Variants in CRAMP1 observed in about 807,000 individuals in gnomAD.
The protein encoded by CRAMP1 is cramped chromatin regulator 1.
A neutral mutation model predicts 115.4 loss-of-function variants in CRAMP1; 50 were observed. The observed-to-expected ratio is 0.43, with a 90% CI of 0.35 to 0.55. The LOEUF is 0.55. CRAMP1 is among the 20% of genes least tolerant of loss of function. The pLI, the probability that CRAMP1 is intolerant of heterozygous loss-of-function variation, is 0.01. For missense variants in CRAMP1, 1,679 were observed against 1,721.7 expected (o/e 0.98, Z 0.44); for synonymous variants, 866 against 745.4 (o/e 1.16, Z -2.64).
At chr16:1,644,903 T>C (rs140685352) in intron 6 of CRAMP1, among the ~76,000 whole-genome samples, 99 of 150,466 alleles carry the variant, frequency 6.6e-4, no homozygotes, top group South Asian at 4.0e-3. Flanking sequence ...GGTTTCGCCA[T>C]GTTGCCCAGG....
At chr16:1,623,527 C>T (rs1271373871) in intron 2 of CRAMP1, among the ~76,000 whole-genome samples, 1 of 152,188 alleles carries the variant, frequency 6.6e-6, no homozygotes, top group Non-Finnish European at 1.5e-5. Context: ...TACCTAATGC[C>T]AACATGGGCT....
At chr16:1,652,218 C>T (rs1300206628) in intron 6 of CRAMP1, among the ~76,000 whole-genome samples, 2 of 152,212 alleles carry the variant, frequency 1.3e-5, no homozygotes, top group Non-Finnish European at 2.9e-5. Context: ...TCAGCTTGTG[C>T]CAGGCCAGTC....
At chr16:1,661,754 C>T (rs901982528) in intron 11 of CRAMP1, among the ~76,000 whole-genome samples, 1 of 152,078 alleles carries the variant, frequency 6.6e-6, no homozygotes, top group Non-Finnish European at 1.5e-5. Context: ...TGCCACCATG[C>T]TCGGGTAATT....
intron 2 of CRAMP1, among the ~76,000 whole-genome samples, chr16:1,623,769 T>C (rs1041695141): frequency 3.3e-5 from 5 of 152,242 alleles, no homozygotes; most frequent in East Asian, 1.9e-4. Context: ...AAATGGCATC[T>C]GTACCTGTCC....
intron 6 of CRAMP1, among the ~76,000 whole-genome samples, chr16:1,648,025 G>A (rs568340749): frequency 6.6e-6 from 1 of 152,138 alleles, no homozygotes; most frequent in African/African-American, 2.4e-5. Context: ...CCTCAAGTCG[G>A]TCGCAGAACT....
chr16:1,639,298 G>A (rs564425464), intron 5 of CRAMP1, among the ~76,000 whole-genome samples: 68 of 152,084 alleles, frequency 4.5e-4, no homozygotes, highest in Middle Eastern at 3.4e-3. Flanking sequence ...AGCAACAAAA[G>A]CAGAGATTTA....
At chr16:1,665,571 C>T (rs2036867258) in intron 14 of CRAMP1, among the ~76,000 whole-genome samples, 1 of 152,212 alleles carries the variant, frequency 6.6e-6, no homozygotes, top group African/African-American at 2.4e-5. Flanking sequence ...TAGTGAAACA[C>T]ATACTCTGTG....
At chr16:1,635,503 C>T (rs1028207907) in intron 4 of CRAMP1, among the ~76,000 whole-genome samples, 12 of 152,170 alleles carry the variant, frequency 7.9e-5, no homozygotes, top group East Asian at 5.8e-4. Context: ...CCTAGGAGGC[C>T]GTGGGGCCAG....
At chr16:1,631,856 AGAGCTTTTCTTCATGGAG>A (rs2036550376) in intron 3 of CRAMP1, among the ~76,000 whole-genome samples, 1 of 152,248 alleles carries the variant, frequency 6.6e-6, no homozygotes, top group South Asian at 2.1e-4. Flanking sequence ...CTTCTCTTCC[AGAGCTTTTCTTCATGGAG>A]GTGTCTCATT....
intron 2 of CRAMP1, among the ~76,000 whole-genome samples, chr16:1,624,539 C>T (rs2036492857): frequency 6.6e-6 from 1 of 151,990 alleles, no homozygotes. Context: ...CTGCCTCAGT[C>T]TCCCAAGTAG....
At chr16:1,613,411 C>T (rs2036380271) in intron 1 of CRAMP1, among the ~76,000 whole-genome samples, 1 of 152,124 alleles carries the variant, frequency 6.6e-6, no homozygotes, top group Non-Finnish European at 1.5e-5. Flanking sequence ...CCCTGTATTT[C>T]GTGGTTGGTG....
intron 14 of CRAMP1, chr16:1,665,750 T>A: frequency 3.0e-6 from 1 of 335,424 alleles, no homozygotes; most frequent in Non-Finnish European, 5.5e-6. Context: ...CAGAATCTGA[T>A]GCTCTGACTG....
At position 1,659,906 on chromosome 16, in the gene CRAMP1, C is replaced by G; in HGVS notation, c.2256C>G (p.Ile752Met). The G allele has an allele frequency of 1.2e-6, 2 of 1,613,306 alleles. No homozygotes were observed. The highest frequency in any genetic ancestry group is 1.7e-6 in the Non-Finnish European group (2 of 1,179,812). ...CCTAGGCTCTGGAAGCAAACACCAT[C>G]TCTACAGCCTCAGTAAGGCCCGCCC... is the stretch of plus-strand genomic sequence containing the variant. ...NPKLALEANT[I>M]STASVRPAQE... The change falls in exon 11 of 21, where the codon ATC (isoleucine) becomes ATG (methionine). Residue 752 changes from isoleucine to methionine, a missense_variant. By Grantham distance (10) the Ile-to-Met change is conservative (BLOSUM62 1). Transcript: ENST00000397412.
intron 8 of CRAMP1, among the ~76,000 whole-genome samples, chr16:1,654,843 T>G (rs927842345): frequency 6.6e-6 from 1 of 152,254 alleles, no homozygotes; most frequent in Non-Finnish European, 1.5e-5. Context: ...CTTCCGCTCA[T>G]GTACTTCTCC....
intron 19 of CRAMP1, 103 bp from the exon 20 acceptor site, chr16:1,670,561 G>T: frequency 7.7e-7 from 1 of 1,296,534 alleles, no homozygotes; most frequent in Non-Finnish European, 1.1e-6. Flanking sequence ...CCGGGGCCGG[G>T]GCTAGGGCTT....
Position 1,665,147 on chromosome 16 carries a change from C to T in CRAMP1, c.2752+9C>T, listed in dbSNP as rs773907647. 3 of 1,591,928 alleles carry T rather than the reference C, an allele frequency of 1.9e-6. No individual in the cohort carries two copies. Among genetic ancestry groups the T allele is most frequent in the South Asian group, 1.1e-5 (1 of 90,624 alleles). ...TAACTCTTCCGTAACTGGTAAGGAC[C>T]CTGAGCTTTTCTGGGGTAGCTTGTC... On this transcript the variant is annotated intron_variant, in intron 14 of 20. Transcript: ENST00000397412.
intron 20 of CRAMP1, among the ~76,000 whole-genome samples, chr16:1,673,321 CCCCACCT>C (rs1353953011): frequency 1.3e-5 from 2 of 151,818 alleles, no homozygotes; most frequent in African/African-American, 4.8e-5. Context: ...GGAACGTGTC[CCCCACCT>C]GTCCTCATGT....
intron 6 of CRAMP1, among the ~76,000 whole-genome samples, chr16:1,649,442 T>C (rs926152998): frequency 1.3e-5 from 2 of 152,152 alleles, no homozygotes; most frequent in Non-Finnish European, 2.9e-5. Context: ...TGCTCCTGCC[T>C]TTCTGCCAAT....
At chr16:1,649,312 G>A (rs1002459617) in intron 6 of CRAMP1, among the ~76,000 whole-genome samples, 18 of 152,126 alleles carry the variant, frequency 1.2e-4, no homozygotes, top group African/African-American at 4.3e-4. Flanking sequence ...GGACACGTGA[G>A]TGGATGGATG....
Sources: gnomAD v4.1 joint callset for allele counts (sites outside exome capture counted in the v4.1 genomes callset) on GRCh38, gnomAD v4.1.1 for gene constraint, MANE v1.5 for transcripts, NCBI Gene and HGNC (gene_info 2026-07-23, HGNC 2026-07-21) for gene names.